AKR1B15: variants seen among roughly 807,000 people sequenced by gnomAD.
AKR1B15 encodes the protein estradiol 17-beta-dehydrogenase AKR1B15.
In AKR1B15, 49 loss-of-function variants were observed where a neutral mutation model predicts 38.5. That is an observed-to-expected ratio of 1.27 (90% CI 1.01 to 1.62). The LOEUF is 1.62. Ranked by LOEUF, AKR1B15 falls within the 40% of genes most tolerant of loss-of-function variation. AKR1B15 has a pLI of 0.00. For synonymous variants in AKR1B15, 137 were observed against 135.5 expected, an observed-to-expected ratio of 1.01 and a Z score of -0.08; for missense variants, 411 against 381.6, an observed-to-expected ratio of 1.08 and a Z score of -0.64.
chr7:134,554,058 C>A (rs1794098226), intron 1 of AKR1B15, among the ~76,000 whole-genome samples: 1 of 152,194 alleles, frequency 6.6e-6, no homozygotes, highest in Admixed American at 6.5e-5. Context: ...TGTACATGTA[C>A]ACAGAGCCAT....
intron 5 of AKR1B15, chr7:134,569,809 C>T (rs1411949170): frequency 4.1e-5 from 14 of 342,352 alleles, no homozygotes; most frequent in Admixed American, 2.4e-4. Context: ...ATCTCTTAAT[C>T]CCATCATCTT....
intron 2 of AKR1B15, among the ~76,000 whole-genome samples, chr7:134,561,780 C>T (rs1794400892): frequency 6.6e-6 from 1 of 152,070 alleles, no homozygotes; most frequent in Admixed American, 6.5e-5. Context: ...TGGCACAGGC[C>T]TATATCATGT....
At position 134,572,408 on chromosome 7, in the gene AKR1B15, C is replaced by G. The variant is rs190280445; in HGVS notation, c.513+727C>G. ...CTTTGGGAAGCCGAGGTGGAAGGATCATGAGGTCAGAAGTTTGAGACCAGT... is the reference window on the plus strand; with the variant it reads ...CTTTGGGAAGCCGAGGTGGAAGGATGATGAGGTCAGAAGTTTGAGACCAGT... On this transcript the variant is annotated intron_variant, in intron 6 of 11. Coordinates refer to ENST00000457545, the MANE Select transcript of AKR1B15 (RefSeq NM_001080538.3). Among the ~76,000 whole-genome samples, 60 of 152,218 alleles carry G rather than the reference C, an allele frequency of 3.9e-4. No individual in the cohort carries two copies. The East Asian group carries it at 0.011, about 27-fold the overall frequency.
chr7:134,560,615 A>T (rs1794358343), intron 2 of AKR1B15, among the ~76,000 whole-genome samples: 1 of 152,234 alleles, frequency 6.6e-6, no homozygotes, highest in African/African-American at 2.4e-5. Context: ...TTTTATGAAT[A>T]ATACACATTT....
chr7:134,551,546 C>T (rs1244286104), intron 1 of AKR1B15, among the ~76,000 whole-genome samples: 2 of 152,180 alleles, frequency 1.3e-5, no homozygotes, highest in Non-Finnish European at 2.9e-5. Flanking sequence ...TTCCTTACAT[C>T]AGCCAGCTTT....
chr7:134,562,961 C>G (rs1794454424), intron 2 of AKR1B15, among the ~76,000 whole-genome samples: 1 of 148,332 alleles, frequency 6.7e-6, no homozygotes, highest in Admixed American at 6.8e-5. Context: ...CTGTCTTTTT[C>G]TGTCTGTTTT....
In AKR1B15 at chr7:134,579,477, G is replaced by GTT. The variant is rs777062632; in HGVS notation, c.993-28_993-27dup. The GTT allele has an allele frequency of 1.6e-4, 243 of 1,517,980 alleles. 1 individual carries two copies. The highest frequency in any genetic ancestry group is 1.9e-4 in the Non-Finnish European group (215 of 1,128,008). 94.0% of individuals were successfully genotyped at this position (1,517,980 alleles called of 1,614,324 possible). ...AGAGTTGTTGCTTTGATGGAACACA[G>GTT]TTTCTTTTTTTTTTTCTCTCTCTCT... is the stretch of plus-strand genomic sequence containing the variant. On this transcript the variant is annotated intron_variant, in intron 11 of 11. Transcript: ENST00000457545.
chr7:134,557,272 C>T (rs777895695), intron 2 of AKR1B15, among the ~76,000 whole-genome samples: 20 of 152,112 alleles, frequency 1.3e-4, no homozygotes, highest in Non-Finnish European at 2.8e-4. Context: ...TGTAAAGCAA[C>T]GCATAGCTTC....
At chr7:134,573,016 A>G (rs1794697153) in intron 6 of AKR1B15, among the ~76,000 whole-genome samples, 1 of 152,206 alleles carries the variant, frequency 6.6e-6, no homozygotes, top group African/African-American at 2.4e-5. Flanking sequence ...TTTGTTCAAA[A>G]GCATTAATCC....
At chr7:134,551,450 C>T (rs1236038493) in intron 1 of AKR1B15, among the ~76,000 whole-genome samples, 1 of 152,210 alleles carries the variant, frequency 6.6e-6, no homozygotes, top group African/African-American at 2.4e-5. Context: ...ACTCACCGGC[C>T]CACCTGGGAT....
chr7:134,579,653 G>A lies in AKR1B15; in HGVS notation c.*104G>A. 2.8e-6 allele frequency: 3 copies of A among 1,087,894 alleles called. No individual in the cohort carries two copies. Among genetic ancestry groups the A allele is most frequent in the Non-Finnish European group, 2.6e-6 (2 of 763,908 alleles). 67.4% of individuals were successfully genotyped at this position (1,087,894 alleles called of 1,614,324 possible). ...TTAGCCAAGCTTATCTGAGATCACA[G>A]TGAACTTTGTCCTGTTGTAGACCAG... On this transcript the variant is annotated 3_prime_UTR_variant, in exon 12 of 12. Coordinates refer to ENST00000457545, the MANE Select transcript of AKR1B15 (RefSeq NM_001080538.3).
In AKR1B15 at chr7:134,577,227, A is replaced by G. The variant is rs573645630; in HGVS notation, c.909+181A>G. Among the ~76,000 whole-genome samples the G allele has an allele frequency of 1.1e-4, 17 of 152,326 alleles. No individual in the cohort carries two copies. The South Asian group carries it at 3.3e-3, about 30-fold the overall frequency. ...AGCTGAGATGAATGACCCATGGGCT[A>G]AGAACATCCTGGGGGCAGTGCCTGG... On this transcript the variant is annotated intron_variant, in intron 10 of 11. Transcript: ENST00000457545.
At chr7:134,559,906 G>C (rs1484629090) in intron 2 of AKR1B15, among the ~76,000 whole-genome samples, 2 of 152,106 alleles carry the variant, frequency 1.3e-5, no homozygotes, top group Non-Finnish European at 1.5e-5. Context: ...TCAGGAGATT[G>C]AGACCATCCT....
At position 134,563,354 on chromosome 7, in the gene AKR1B15, G is replaced by A. The variant is rs1325873157; in HGVS notation, c.-22-1244G>A. Among the ~76,000 whole-genome samples, 12 of 152,236 alleles carry A rather than the reference G, an allele frequency of 7.9e-5. No individual in the cohort carries two copies. In the East Asian group the frequency reaches 2.3e-3, roughly 29 times the overall value. ...AGGCCGAGGTGGGTGGATCACCTGA[G>A]GTCAGGAGTTTGAAACCAGTCTGTC... On this transcript the variant is annotated intron_variant, in intron 2 of 11. Transcript: ENST00000457545.
intron 2 of AKR1B15, among the ~76,000 whole-genome samples, chr7:134,561,466 C>G (rs1482151691): frequency 1.3e-5 from 2 of 152,202 alleles, no homozygotes; most frequent in African/African-American, 4.8e-5. Flanking sequence ...CTTGGCCTCC[C>G]AAAATGCTGG....
chr7:134,562,887 T>TTTCTTTCTTTCTTTCC (rs1794450502), intron 2 of AKR1B15, among the ~76,000 whole-genome samples: 1 of 119,982 alleles, frequency 8.3e-6, no homozygotes, highest in Non-Finnish European at 1.8e-5. Flanking sequence ...TCTTTCTTTC[T>TTTCTTTCTTTCTTTCC]TTCCTTCTTT....
intron 2 of AKR1B15, among the ~76,000 whole-genome samples, chr7:134,557,303 G>A (rs1460708608): frequency 1.3e-5 from 2 of 152,024 alleles, no homozygotes; most frequent in Non-Finnish European, 2.9e-5. Flanking sequence ...ATGTATCTTA[G>A]AACCCAATAT....
At position 134,577,796 on chromosome 7, in the gene AKR1B15, A is replaced by T; in HGVS notation, c.992+10A>T. The T allele has an allele frequency of 6.2e-7, 1 of 1,613,526 alleles. No individual in the cohort carries two copies. The highest frequency in any genetic ancestry group is 8.5e-7 in the Non-Finnish European group (1 of 1,179,746). ...CCTTTGACTTCAAGGAGTAAGTGGC[A>T]TGGAGTTAACTAGAAGAATTGCCAG... On this transcript the variant is annotated intron_variant, in intron 11 of 11. Transcript: ENST00000457545.
chr7:134,553,966 T>A (rs1794092781), intron 1 of AKR1B15, among the ~76,000 whole-genome samples: 1 of 152,214 alleles, frequency 6.6e-6, no homozygotes, highest in African/African-American at 2.4e-5. Flanking sequence ...AGGACTGAGT[T>A]GGTAACCCTG....
Sources: allele counts gnomAD v4.1 joint callset (sites outside exome capture counted in the v4.1 genomes callset), GRCh38; gene constraint gnomAD v4.1.1; transcripts MANE v1.5; gene names NCBI Gene and HGNC (gene_info 2026-07-23, HGNC 2026-07-21).